The following DIS3L2 variants were observed in gnomAD, a reference collection of about 807,000 sequenced individuals.
DIS3L2 encodes the protein DIS3 like 3'-5' exoribonuclease 2.
A neutral mutation model predicts 97.5 loss-of-function variants in DIS3L2; 34 were observed. The observed-to-expected ratio is 0.35, with a 90% confidence interval of 0.27 to 0.46. The LOEUF (loss-of-function observed/expected upper bound fraction) is 0.46, where lower values mean the gene tolerates loss of function less well. Ranked by LOEUF, DIS3L2 falls within the 20% of genes least tolerant of loss-of-function variation. The pLI, the probability that DIS3L2 is intolerant of heterozygous loss-of-function variation, is 1.00. For missense variants in DIS3L2, 1,038 were observed against 1,146.0 expected (o/e 0.91, Z 1.36); for synonymous variants, 435 against 445.2 (o/e 0.98, Z 0.29).
intron 5 of DIS3L2, among the ~76,000 whole-genome samples, chr2:232,078,007 TTCTTTCTTTCTTTTTCTCTTTCTCTTTC>T (rs1696263720): frequency 7.4e-6 from 1 of 136,022 alleles, no homozygotes; most frequent in African/African-American, 2.9e-5. Flanking sequence ...CTTTCTTTCT[TTCTTTCTTTCTTTTTCTCTTTCTCTTTC>T]TCTTTCTTTT....
intron 8 of DIS3L2, among the ~76,000 whole-genome samples, chr2:232,159,304 G>A (rs576160012): frequency 5.3e-5 from 8 of 152,306 alleles, no homozygotes; most frequent in African/African-American, 1.9e-4. Flanking sequence ...ACTCTTGCAG[G>A]ACACCATTTT....
In DIS3L2 at chr2:232,293,324, A is replaced by G. The variant is rs1162529096; in HGVS notation, c.1660-6716A>G. On this transcript the variant is annotated intron_variant, in intron 13 of 20. Coordinates refer to ENST00000325385, the MANE Select transcript of DIS3L2 (RefSeq NM_152383.5). The surrounding 1 kb of genome is among the most constrained non-coding windows in gnomAD (Gnocchi z 4.6). The stretch of plus-strand genomic sequence containing the variant: ...AAAAAGAAATTATTTTGAAGGAATG[A>G]CATTGGACACCTGCTGTGACAGTGA... 6.6e-6 allele frequency among the ~76,000 whole-genome samples: 1 copy of G among 152,182 alleles called. No homozygotes were observed. Among genetic ancestry groups the G allele is most frequent in the Non-Finnish European group, 1.5e-5 (1 of 68,018 alleles).
intron 13 of DIS3L2, among the ~76,000 whole-genome samples, chr2:232,299,107 C>T (rs902512308): frequency 6.6e-6 from 1 of 152,212 alleles, no homozygotes; most frequent in African/African-American, 2.4e-5. Context: ...TGAGTTCTTC[C>T]TTTCTTTCCT....
At chr2:232,277,604 T>C (rs1205931560) in intron 13 of DIS3L2, among the ~76,000 whole-genome samples, 1 of 152,236 alleles carries the variant, frequency 6.6e-6, no homozygotes, top group Non-Finnish European at 1.5e-5. Context: ...ATTGTTCACC[T>C]ATCACTGAGT....
At chr2:232,041,381 A>C (rs1695108432) in intron 5 of DIS3L2, among the ~76,000 whole-genome samples, 1 of 152,150 alleles carries the variant, frequency 6.6e-6, no homozygotes, top group Non-Finnish European at 1.5e-5. Flanking sequence ...AGGGGGTCCT[A>C]CTGGGGCTTT....
chr2:232,253,749 T>C (rs1034605304), intron 12 of DIS3L2, among the ~76,000 whole-genome samples: 1 of 151,976 alleles, frequency 6.6e-6, no homozygotes, highest in South Asian at 2.1e-4. Flanking sequence ...CTAAAAAAAA[T>C]CAGGAAGTAG....
intron 9 of DIS3L2, among the ~76,000 whole-genome samples, chr2:232,202,452 G>C (rs991744829): frequency 2.0e-5 from 3 of 152,170 alleles, no homozygotes; most frequent in Non-Finnish European, 4.4e-5. Flanking sequence ...TTGAACCGGT[G>C]AGTAGAACCA....
intron 5 of DIS3L2, among the ~76,000 whole-genome samples, chr2:232,077,995 T>G (rs1194849682): frequency 1.4e-5 from 2 of 143,654 alleles, no homozygotes; most frequent in African/African-American, 5.3e-5. Flanking sequence ...CTTTCTTTCT[T>G]TCTTTCTTTC....
intron 14 of DIS3L2, among the ~76,000 whole-genome samples, chr2:232,321,291 C>T (rs1220856797): frequency 1.3e-5 from 2 of 152,100 alleles, no homozygotes; most frequent in East Asian, 3.9e-4. Flanking sequence ...CTGGAGACCT[C>T]CTGAGCTTTC....
At chr2:231,971,707 A>G (rs1328792531) in intron 1 of DIS3L2, among the ~76,000 whole-genome samples, 1 of 151,752 alleles carries the variant, frequency 6.6e-6, no homozygotes, top group African/African-American at 2.4e-5. Context: ...TGGCCTCCCA[A>G]AGTGCTGGGA....
intron 5 of DIS3L2, among the ~76,000 whole-genome samples, chr2:232,075,162 A>C (rs1696147187): frequency 6.6e-6 from 1 of 152,154 alleles, no homozygotes; most frequent in South Asian, 2.1e-4. Flanking sequence ...TTGCATTTAG[A>C]GTCCTAGACC....
chr2:231,971,968 CA>C (rs1355073454), intron 1 of DIS3L2, among the ~76,000 whole-genome samples: 3 of 150,598 alleles, frequency 2.0e-5, no homozygotes, highest in Non-Finnish European at 4.4e-5. Context: ...GGATGGATCA[CA>C]AGGTCAAGAG....
intron 10 of DIS3L2, among the ~76,000 whole-genome samples, chr2:232,231,704 A>G (rs1209893338): frequency 6.6e-6 from 1 of 152,262 alleles, no homozygotes; most frequent in African/African-American, 2.4e-5. Context: ...ATGGGCAGTT[A>G]GGCAGGGTTT....
chr2:232,329,793 A>ACCC lies in DIS3L2; in HGVS notation c.1740-20_1740-19insCCC. 8 of 147,852 alleles carry ACCC rather than the reference A, an allele frequency of 5.4e-5. No homozygotes were observed. Among genetic ancestry groups the ACCC allele is most frequent in the South Asian group, 8.6e-5 (1 of 11,608 alleles). The allele number at this position is 147,852 out of a possible 1,614,324, so 9.2% of individuals were successfully genotyped here. Reference sequence around the variant, plus strand: ...TCCCCAAACCCCAGCGGTCCCTCCCATCCCACCCACCCTCTGCAGGCTCGT... The same window carrying ACCC: ...TCCCCAAACCCCAGCGGTCCCTCCCACCCTCCCACCCACCCTCTGCAGGCTCGT... On this transcript the variant is annotated intron_variant, in intron 14 of 20. Transcript: ENST00000325385.
chr2:232,171,503 A>T (rs780784174), intron 9 of DIS3L2, among the ~76,000 whole-genome samples: 4 of 152,204 alleles, frequency 2.6e-5, no homozygotes, highest in Non-Finnish European at 4.4e-5. Flanking sequence ...CTGACAAATA[A>T]CTATCAACTG....
At chr2:232,230,718 G>A (rs1452490081) in intron 10 of DIS3L2, among the ~76,000 whole-genome samples, 1 of 152,186 alleles carries the variant, frequency 6.6e-6, no homozygotes, top group Non-Finnish European at 1.5e-5. Context: ...GAGAAAGTGA[G>A]TATGGTACAT....
At chr2:231,981,276 T>C (rs1559512120) in intron 1 of DIS3L2, among the ~76,000 whole-genome samples, 1 of 152,010 alleles carries the variant, frequency 6.6e-6, no homozygotes, top group Non-Finnish European at 1.5e-5. Flanking sequence ...ATTTTAAAAT[T>C]CAAATTAGAT....
intron 5 of DIS3L2, among the ~76,000 whole-genome samples, chr2:232,046,961 A>C (rs1363431370): frequency 6.6e-6 from 1 of 152,150 alleles, no homozygotes; most frequent in African/African-American, 2.4e-5. Flanking sequence ...CTTGGAGATC[A>C]TCTTAATATT....
intron 6 of DIS3L2, among the ~76,000 whole-genome samples, chr2:232,091,113 C>G (rs1050485082): frequency 5.9e-5 from 9 of 152,314 alleles, no homozygotes; most frequent in African/African-American, 1.7e-4. Flanking sequence ...ACTTTACAAG[C>G]AGTAGCTTTG....
Sources: gnomAD v4.1 joint callset for allele counts (sites outside exome capture counted in the v4.1 genomes callset) on GRCh38, gnomAD v4.1.1 for gene constraint, Gnocchi (gnomAD v3.1) non-coding constraint, MANE v1.5 for transcripts, NCBI Gene and HGNC (gene_info 2026-07-23, HGNC 2026-07-21) for gene names.